Variants in TPD52L1 observed in about 807,000 individuals in gnomAD.
The protein encoded by TPD52L1 is TPD52 like 1, also known as tumor protein D53.
Under a neutral mutation model 28.7 loss-of-function variants are expected in TPD52L1, and 18 were observed. That is an observed-to-expected ratio of 0.63 (90% confidence interval 0.43 to 0.93). TPD52L1 has a LOEUF of 0.93. Among genes scored for constraint, TPD52L1 ranks in the 40% least tolerant of loss-of-function variants. The pLI is 0.00. For synonymous variants in TPD52L1, 75 were observed against 88.8 expected, an observed-to-expected ratio of 0.84 and a Z score of 0.88; for missense variants, 203 against 254.8, an observed-to-expected ratio of 0.80 and a Z score of 1.39.
chr6:125,244,924 G>A (rs1363477987), intron 3 of TPD52L1, among the ~76,000 whole-genome samples: 1 of 152,204 alleles, frequency 6.6e-6, no homozygotes, highest in East Asian at 1.9e-4. Flanking sequence ...ATCCTTTGAT[G>A]TAGTGCTCGC....
chr6:125,260,982 AAAAGAAAG>A (rs1342382897), intron 6 of TPD52L1: 5 of 44,762 alleles, frequency 1.1e-4, no homozygotes, highest in Admixed American at 2.7e-4. Context: ...GAAAGAAAAG[AAAAGAAAG>A]AAAGAAAGAA....
chr6:125,192,872 C>T (rs1793150808), intron 1 of TPD52L1, among the ~76,000 whole-genome samples: 1 of 152,176 alleles, frequency 6.6e-6, no homozygotes, highest in South Asian at 2.1e-4. Context: ...AATGTCCCAC[C>T]TGATTTCTTG....
At chr6:125,190,761 G>A (rs983947033) in intron 1 of TPD52L1, among the ~76,000 whole-genome samples, 3 of 152,064 alleles carry the variant, frequency 2.0e-5, no homozygotes, top group Non-Finnish European at 4.4e-5. Context: ...AATAGGGTTC[G>A]CACTCCTTTG....
chr6:125,172,303 T>C (rs1192330976), intron 1 of TPD52L1, among the ~76,000 whole-genome samples: 1 of 142,596 alleles, frequency 7.0e-6, no homozygotes, highest in Non-Finnish European at 1.5e-5. Context: ...CTTTCCTTTT[T>C]CTTTCTTTCT....
chr6:125,193,784 G>A (rs1335091404), intron 1 of TPD52L1, among the ~76,000 whole-genome samples: 1 of 152,168 alleles, frequency 6.6e-6, no homozygotes, highest in African/African-American at 2.4e-5. Flanking sequence ...TGGTAAGAGT[G>A]CAAGCTGTTA....
At chr6:125,172,124 C>CTT (rs1397345258) in intron 1 of TPD52L1, among the ~76,000 whole-genome samples, 1 of 60,008 alleles carries the variant, frequency 1.7e-5, no homozygotes, top group Non-Finnish European at 3.0e-5. Flanking sequence ...TTCTTTCTTT[C>CTT]TTTCTTTCTT....
At chr6:125,188,950 C>T (rs1792849902) in intron 1 of TPD52L1, among the ~76,000 whole-genome samples, 1 of 152,200 alleles carries the variant, frequency 6.6e-6, no homozygotes, top group African/African-American at 2.4e-5. Flanking sequence ...TTAAGTTTAC[C>T]TTGGGCCAAA....
chr6:125,235,516 T>C (rs572416751), intron 3 of TPD52L1, among the ~76,000 whole-genome samples: 1 of 152,212 alleles, frequency 6.6e-6, no homozygotes, highest in Non-Finnish European at 1.5e-5. Context: ...ATGTGACCCA[T>C]AGGCCGCAGG....
chr6:125,245,064 G>T (rs1428992322), intron 3 of TPD52L1, among the ~76,000 whole-genome samples: 1 of 152,218 alleles, frequency 6.6e-6, no homozygotes. Flanking sequence ...AAAAAGTCCT[G>T]TGATATGACC....
At chr6:125,251,910 G>A in intron 4 of TPD52L1, 1 of 1,061,724 alleles carries the variant, frequency 9.4e-7, no homozygotes, top group South Asian at 1.4e-5. Flanking sequence ...AAGCTACCCT[G>A]TCTGTGCTCT....
At chr6:125,206,632 G>A (rs937755580) in intron 1 of TPD52L1, among the ~76,000 whole-genome samples, 8 of 152,302 alleles carry the variant, frequency 5.3e-5, no homozygotes, top group Admixed American at 4.6e-4. Flanking sequence ...GGCAGTCTAG[G>A]TGGAATCACC....
intron 6 of TPD52L1, chr6:125,260,881 GA>G (rs1797880227): frequency 7.1e-6 from 1 of 140,370 alleles, no homozygotes; most frequent in Non-Finnish European, 1.6e-5. Context: ...AAGAAAGAAA[GA>G]AAAAGAAAAG....
At chr6:125,155,572 C>G (rs1790063773) in intron 1 of TPD52L1, among the ~76,000 whole-genome samples, 1 of 152,158 alleles carries the variant, frequency 6.6e-6, no homozygotes, top group Non-Finnish European at 1.5e-5. Flanking sequence ...CTAAGAAGAG[C>G]AAAGACAGAC....
chr6:125,170,188 T>A (rs917327865), intron 1 of TPD52L1, among the ~76,000 whole-genome samples: 1 of 152,046 alleles, frequency 6.6e-6, no homozygotes, highest in Non-Finnish European at 1.5e-5. Context: ...CTGGACTCTC[T>A]TTTCCAGGTA....
chr6:125,215,496 G>A (rs1794802572), intron 1 of TPD52L1, among the ~76,000 whole-genome samples: 1 of 152,206 alleles, frequency 6.6e-6, no homozygotes, highest in Non-Finnish European at 1.5e-5. Flanking sequence ...ATGTGCCTAG[G>A]TAGAGAAAGG....
At chr6:125,262,659 A>T in intron 6 of TPD52L1, 175 bp from the exon 7 acceptor site, 2 of 821,180 alleles carry the variant, frequency 2.4e-6, no homozygotes, top group Non-Finnish European at 3.6e-6. Context: ...GAACCCAAGT[A>T]TGAATAATAT....
chr6:125,214,454 T>C (rs1794721402), intron 1 of TPD52L1: 3 of 984,356 alleles, frequency 3.0e-6, no homozygotes, highest in Non-Finnish European at 3.6e-6. Flanking sequence ...CAGAGGCACA[T>C]ACCTCCTCGG....
At chr6:125,195,880 C>G (rs539509066) in intron 1 of TPD52L1, among the ~76,000 whole-genome samples, 154 of 152,314 alleles carry the variant, frequency 1.0e-3, no homozygotes, top group African/African-American at 3.6e-3. Flanking sequence ...CTATCACAGC[C>G]AGGCCAGTTG....
At chr6:125,245,086 C>T (rs184834852) in intron 3 of TPD52L1, among the ~76,000 whole-genome samples, 7 of 152,220 alleles carry the variant, frequency 4.6e-5, no homozygotes, top group African/African-American at 1.7e-4. Flanking sequence ...GTCTTCAGGT[C>T]TCCCAGCTGT....
Sources: allele counts gnomAD v4.1 joint callset (sites outside exome capture counted in the v4.1 genomes callset), GRCh38; gene constraint gnomAD v4.1.1; transcripts MANE v1.5; gene names NCBI Gene and HGNC (gene_info 2026-07-23, HGNC 2026-07-21).